The following XRN1 variants were observed in gnomAD, a reference collection of about 807,000 sequenced individuals.
The protein encoded by XRN1 is strand-exchange protein 1 homolog.
In XRN1, 67 loss-of-function variants were observed where a neutral mutation model predicts 222.3. The observed-to-expected ratio is 0.30, with a 90% CI of 0.25 to 0.37. The LOEUF is 0.37. Among genes scored for constraint, XRN1 ranks in the 10% least tolerant of loss-of-function variants. The pLI is 1.00. For synonymous variants in XRN1, 643 were observed against 652.4 expected (o/e 0.99, Z 0.22); for missense variants, 1,707 against 2,000.2 (o/e 0.85, Z 2.80).
intron 34 of XRN1, among the ~76,000 whole-genome samples, chr3:142,334,740 A>G (rs1046750180): frequency 2.0e-5 from 3 of 147,634 alleles, no homozygotes; most frequent in East Asian, 2.0e-4. Flanking sequence ...TATAATGTCT[A>G]TGTGTGTGTA....
intron 32 of XRN1, 29 bp from the exon 33 acceptor site, chr3:142,347,371 C>A: frequency 7.2e-7 from 1 of 1,387,810 alleles, no homozygotes; most frequent in South Asian, 1.4e-5. Flanking sequence ...ATAAATTAAA[C>A]AAAATCTTAA....
chr3:142,336,562 G>T (rs2065857804), intron 33 of XRN1, among the ~76,000 whole-genome samples: 1 of 151,470 alleles, frequency 6.6e-6, no homozygotes, highest in African/African-American at 2.4e-5. Flanking sequence ...TCAGAGACAG[G>T]GGAAGGAAGG....
intron 22 of XRN1, among the ~76,000 whole-genome samples, chr3:142,381,427 A>G (rs1370962158): frequency 2.6e-5 from 4 of 151,936 alleles, no homozygotes; most frequent in Non-Finnish European, 2.9e-5. Context: ...TTATAGAACT[A>G]TTTTCTTCCT....
chr3:142,333,794 G>C (rs925921540), intron 34 of XRN1, among the ~76,000 whole-genome samples: 1 of 152,052 alleles, frequency 6.6e-6, no homozygotes, highest in East Asian at 1.9e-4. Context: ...ATGAGAAGAC[G>C]CATCATCTGC....
chr3:142,442,419 C>A (rs1014037667), intron 1 of XRN1, among the ~76,000 whole-genome samples: 3 of 152,168 alleles, frequency 2.0e-5, no homozygotes, highest in African/African-American at 7.2e-5. Flanking sequence ...GGGTAATCCC[C>A]TCCAGGAAAC....
At chr3:142,413,724 T>C (rs1295330549) in intron 14 of XRN1, among the ~76,000 whole-genome samples, 2 of 152,328 alleles carry the variant, frequency 1.3e-5, no homozygotes. Context: ...TATACTGAGG[T>C]AGTACTGCTG....
At chr3:142,406,357 G>C (rs2068337296) in intron 15 of XRN1, among the ~76,000 whole-genome samples, 1 of 151,926 alleles carries the variant, frequency 6.6e-6, no homozygotes, top group Admixed American at 6.6e-5. Context: ...AACTCAAAAT[G>C]GATTAAAAAC....
intron 37 of XRN1, among the ~76,000 whole-genome samples, chr3:142,324,362 T>C (rs138651445): frequency 2.3e-3 from 352 of 151,692 alleles, no homozygotes; most frequent in African/African-American, 8.1e-3. Flanking sequence ...TTTTTGTCCT[T>C]GAAATAGTTT....
rs184990177 is a variant in XRN1 at position 142,439,794 on chromosome 3, T to C, written c.76-6901A>G. Among the ~76,000 whole-genome samples, 368 of 150,606 alleles carry C rather than the reference T, an allele frequency of 2.4e-3. 3 individuals are homozygous for C. The highest frequency in any genetic ancestry group is 8.3e-3 in the African/African-American group (343 of 41,108). ...GCTTTAGTCATGGCCCTTAGGCAAG[T>C]GGACTTTGGAGGCTCTGGAAAAGGG... On this transcript the variant is annotated intron_variant, in intron 1 of 40. Coordinates refer to ENST00000392981, the MANE Select transcript of XRN1 (RefSeq NM_001282857.2).
At chr3:142,424,230 G>C (rs2069156173) in intron 5 of XRN1, among the ~76,000 whole-genome samples, 2 of 152,106 alleles carry the variant, frequency 1.3e-5, no homozygotes, top group African/African-American at 4.8e-5. Context: ...GAGTAGCTGG[G>C]ATTACAGGTA....
chr3:142,328,168 C>T (rs951354462), intron 37 of XRN1, among the ~76,000 whole-genome samples: 5 of 152,028 alleles, frequency 3.3e-5, no homozygotes, highest in Non-Finnish European at 5.9e-5. Context: ...ATTTCTTTTC[C>T]TTTAGATAGA....
At chr3:142,398,367 GTTTTT>G (rs79496846) in intron 19 of XRN1, among the ~76,000 whole-genome samples, 3 of 139,802 alleles carry the variant, frequency 2.1e-5, no homozygotes, top group African/African-American at 7.8e-5. Context: ...TATCTACAAA[GTTTTT>G]TTTTTTTTTT....
At position 142,365,497 on chromosome 3, in the gene XRN1, TCTGCAG is replaced by T. The variant is rs1256713957; in HGVS notation, c.3205-137_3205-132del. ...GATTAATTTTTAAAATATTTAAAGT[TCTGCAG>T]CTGCAGCAAGAAGAAATAAACACAT... On this transcript the variant is annotated intron_variant, in intron 27 of 40. Coordinates refer to ENST00000392981, the MANE Select transcript of XRN1 (RefSeq NM_001282857.2). The T allele has an allele frequency of 2.9e-5, 17 of 586,634 alleles. No individual in the cohort carries two copies. The African/African-American group carries it at 3.1e-4, about 11-fold the overall frequency. 36.3% of individuals were successfully genotyped at this position (586,634 alleles called of 1,614,324 possible). A position where few individuals can be genotyped will look rare whatever the true frequency, so the allele number is the denominator to read the frequency against.
At position 142,445,067 on chromosome 3, in the gene XRN1, T is replaced by C. The variant is rs922240573; in HGVS notation, c.75+2803A>G. 2.6e-5 allele frequency among the ~76,000 whole-genome samples: 4 copies of C among 152,234 alleles called. 1 individual carries two copies. The highest frequency in any genetic ancestry group is 6.5e-5 in the Admixed American group (1 of 15,286). On this transcript the variant is annotated intron_variant, in intron 1 of 40. Transcript: ENST00000392981. ...TACTATTTGTCTTCTTTGCCTATCT[T>C]TCTTATCGTTACTTTTTCTTGAATC...
chr3:142,405,924 G>A (rs1053405428), intron 15 of XRN1, among the ~76,000 whole-genome samples: 2 of 151,924 alleles, frequency 1.3e-5, no homozygotes, highest in Admixed American at 6.6e-5. Context: ...GAAAAAAAAC[G>A]AACAGCCTTA....
chr3:142,420,418 C>T (rs914344831), intron 10 of XRN1: 1 of 152,610 alleles, frequency 6.6e-6, no homozygotes, highest in African/African-American at 2.4e-5. Flanking sequence ...ATCAGCCAGG[C>T]TGGAGTGCAG....
Position 142,311,207 on chromosome 3 carries a change from C to T in XRN1, c.*304G>A, listed in dbSNP as rs1482742826. The T allele has an allele frequency of 5.1e-5, 10 of 195,422 alleles. No individual in the cohort carries two copies. The East Asian group carries it at 7.4e-4, about 14-fold the overall frequency. The allele number at this position is 195,422 out of a possible 1,614,324, so 12.1% of individuals were successfully genotyped here. A position where few individuals can be genotyped will look rare whatever the true frequency, so the allele number is the denominator to read the frequency against. Reference sequence around the variant, plus strand: ...CATGAGGCCAATGATTAGAGTGGTACATTTTAATGTTTAGTCCACTGATAC... The same window carrying T: ...CATGAGGCCAATGATTAGAGTGGTATATTTTAATGTTTAGTCCACTGATAC... On this transcript the variant is annotated 3_prime_UTR_variant, in exon 41 of 41. Coordinates refer to ENST00000392981, the MANE Select transcript of XRN1 (RefSeq NM_001282857.2).
At chr3:142,428,393 CAA>C (rs56759656) in intron 2 of XRN1, among the ~76,000 whole-genome samples, 1,063 of 85,562 alleles carry the variant, frequency 0.012, 9 homozygotes, top group African/African-American at 0.044. Flanking sequence ...CAAGACTCTC[CAA>C]AAAAAAAAAA....
At position 142,400,688 on chromosome 3, in the gene XRN1, G is replaced by A. The variant is rs996318043; in HGVS notation, c.2104-141C>T. ...GGGCCGGGTGCAGTGACTCACACCT[G>A]TAATCCCAAAACTTAAAGTCCAGAG... On this transcript the variant is annotated intron_variant, in intron 18 of 40. Coordinates refer to ENST00000392981, the MANE Select transcript of XRN1 (RefSeq NM_001282857.2). The A allele has an allele frequency of 3.0e-5, 17 of 564,880 alleles. No individual in the cohort carries two copies. The African/African-American group carries it at 3.1e-4, about 10-fold the overall frequency. The allele number at this position is 564,880 out of a possible 1,614,324, so 35.0% of individuals were successfully genotyped here. A position where few individuals can be genotyped will look rare whatever the true frequency, so the allele number is the denominator to read the frequency against.
Sources: allele counts gnomAD v4.1 joint callset (sites outside exome capture counted in the v4.1 genomes callset), GRCh38; gene constraint gnomAD v4.1.1; transcripts MANE v1.5; gene names NCBI Gene and HGNC (gene_info 2026-07-23, HGNC 2026-07-21).